FBXL2: variants seen among roughly 807,000 people sequenced by gnomAD.
The protein encoded by FBXL2 is F-box/LRR-repeat protein 2.
Under a neutral mutation model 69.2 loss-of-function variants are expected in FBXL2, and 38 were observed. That is an observed-to-expected ratio of 0.55 (90% CI 0.42 to 0.72). The LOEUF (loss-of-function observed/expected upper bound fraction) is 0.72, where lower values mean the gene tolerates loss of function less well. Among genes scored for constraint, FBXL2 ranks in the 30% least tolerant of loss-of-function variants. The pLI, the probability that FBXL2 is intolerant of heterozygous loss-of-function variation, is 0.00. For synonymous variants in FBXL2, 192 were observed against 201.3 expected (o/e 0.95, Z 0.39); for missense variants, 354 against 520.3 (o/e 0.68, Z 3.11).
intron 2 of FBXL2, among the ~76,000 whole-genome samples, chr3:33,329,185 A>T (rs1213951826): frequency 2.0e-5 from 3 of 152,244 alleles, no homozygotes; most frequent in African/African-American, 7.2e-5. Context: ...ATTAATCACC[A>T]GAGAAATAGA....
chr3:33,364,526 G>A, intron 4 of FBXL2, 99 bp from the exon 5 acceptor site: 1 of 1,070,562 alleles, frequency 9.3e-7, no homozygotes, highest in Non-Finnish European at 1.4e-6. Context: ...TGTTACACTT[G>A]GAAAAATATA....
chr3:33,336,242 G>A (rs569299845), intron 2 of FBXL2, among the ~76,000 whole-genome samples: 1 of 152,198 alleles, frequency 6.6e-6, no homozygotes, highest in Non-Finnish European at 1.5e-5. Context: ...TTAGTGTGAG[G>A]AAAAATACAT....
chr3:33,296,577 A>G (rs562611010), intron 1 of FBXL2, among the ~76,000 whole-genome samples: 81 of 152,224 alleles, frequency 5.3e-4, no homozygotes, highest in African/African-American at 1.8e-3. Context: ...GGGGGTCCAA[A>G]TTCATTGTTT....
chr3:33,374,034 C>T (rs766034471), intron 9 of FBXL2, 113 bp downstream of exon 9: 13 of 883,930 alleles, frequency 1.5e-5, no homozygotes, highest in Middle Eastern at 4.7e-4. Context: ...TGTTGCCACA[C>T]CCTGATTTCC....
chr3:33,355,023 G>A (rs571760380), intron 2 of FBXL2, among the ~76,000 whole-genome samples: 38 of 152,158 alleles, frequency 2.5e-4, no homozygotes, highest in Non-Finnish European at 2.5e-4. Flanking sequence ...TGACCTCCCC[G>A]GGCTCTGTTA....
the FBXL2 span, among the ~76,000 whole-genome samples, chr3:33,416,318 GA>G: frequency 0.02 from 3,080 of 152,268 alleles, 58 homozygotes; most frequent in Admixed American, 0.056. Context: ...AGGTTAGCTG[GA>G]AAACAGCTAT....
intron 2 of FBXL2, among the ~76,000 whole-genome samples, chr3:33,324,878 A>G (rs151080120): frequency 7.9e-5 from 12 of 152,304 alleles, no homozygotes; most frequent in African/African-American, 1.4e-4. Context: ...CATTGAATCT[A>G]TAAATTACTG....
intron 2 of FBXL2, among the ~76,000 whole-genome samples, chr3:33,307,986 A>G (rs1360715730): frequency 6.6e-6 from 1 of 152,074 alleles, no homozygotes; most frequent in Non-Finnish European, 1.5e-5. Context: ...TTGGCTCCTG[A>G]GTCCATTTAC....
At chr3:33,349,552 G>A (rs2040687238) in intron 2 of FBXL2, among the ~76,000 whole-genome samples, 1 of 152,112 alleles carries the variant, frequency 6.6e-6, no homozygotes, top group African/African-American at 2.4e-5. Context: ...AGAGATGTTG[G>A]CCTGTAGTTT....
At chr3:33,366,568 G>C (rs977906020) in intron 5 of FBXL2, among the ~76,000 whole-genome samples, 3 of 152,180 alleles carry the variant, frequency 2.0e-5, no homozygotes, top group Non-Finnish European at 4.4e-5. Flanking sequence ...GGAGGCTAAA[G>C]TGGGAAGATC....
At position 33,344,320 on chromosome 3, in the gene FBXL2, A is replaced by G. The variant is rs144335210; in HGVS notation, c.66-14647A>G. Among the ~76,000 whole-genome samples, 4 of 152,258 alleles carry G rather than the reference A, an allele frequency of 2.6e-5. No homozygotes were observed. In the East Asian group the frequency reaches 7.7e-4, roughly 29 times the overall value. On this transcript the variant is annotated intron_variant, in intron 2 of 14. Transcript: ENST00000484457. Reference sequence around the variant, plus strand: ...GAGGAAGCTTTGGATAATTTAACAAATTGATTTTCATATTTGTGTATAGTA... The same window carrying G: ...GAGGAAGCTTTGGATAATTTAACAAGTTGATTTTCATATTTGTGTATAGTA...
chr3:33,336,624 C>T (rs1287340186), intron 2 of FBXL2, among the ~76,000 whole-genome samples: 1 of 152,122 alleles, frequency 6.6e-6, no homozygotes, highest in East Asian at 1.9e-4. Context: ...TATTAAAAAA[C>T]AACTGAGCGC....
chr3:33,347,768 A>G (rs1407301721), intron 2 of FBXL2, among the ~76,000 whole-genome samples: 1 of 152,116 alleles, frequency 6.6e-6, no homozygotes. Flanking sequence ...TCTCTGATGA[A>G]CAGTGATGTT....
intron 2 of FBXL2, among the ~76,000 whole-genome samples, chr3:33,319,222 C>T (rs189077844): frequency 6.6e-6 from 1 of 151,986 alleles, no homozygotes; most frequent in Admixed American, 6.6e-5. Context: ...TGGGAGTGCC[C>T]ATGGCAAGTT....
intron 1 of FBXL2, among the ~76,000 whole-genome samples, chr3:33,279,364 G>A (rs914187314): frequency 1.3e-5 from 2 of 151,682 alleles, no homozygotes; most frequent in African/African-American, 4.8e-5. Flanking sequence ...TCCGCCTCCC[G>A]GGTACACGCC....
rs539870592 is a variant in FBXL2 at position 33,373,488 on chromosome 3, G to A, written c.456-90G>A. On this transcript the variant is annotated intron_variant, in intron 7 of 14. Coordinates refer to ENST00000484457, the MANE Select transcript of FBXL2 (RefSeq NM_012157.5). ...AGGTCCCAGGCATGGTCTCCCCTTC[G>A]GAATTTCTTGTGATGTACTAAACTC... 1.8e-5 allele frequency: 28 copies of A among 1,589,492 alleles called. No homozygotes were observed. The South Asian group carries it at 1.9e-4, about 11-fold the overall frequency.
At chr3:33,422,141 T>G in the FBXL2 span, among the ~76,000 whole-genome samples, 1 of 152,214 alleles carries the variant, frequency 6.6e-6, no homozygotes, top group Non-Finnish European at 1.5e-5. Flanking sequence ...TCTTATTACT[T>G]TAAATTAGCA....
chr3:33,393,473 A>T (rs772271929), intron 12 of FBXL2: 1 of 1,594,488 alleles, frequency 6.3e-7, no homozygotes, highest in South Asian at 1.2e-5. Flanking sequence ...AAAAAAAAAA[A>T]AAGAAAAGCA....
At chr3:33,402,656 T>C in intron 12 of FBXL2, 1 of 513,742 alleles carries the variant, frequency 1.9e-6, no homozygotes, top group African/African-American at 2.0e-5. Context: ...ATGATTGTCC[T>C]CTGCCACCAA....
Sources: gnomAD v4.1 joint callset for allele counts (sites outside exome capture counted in the v4.1 genomes callset) on GRCh38, gnomAD v4.1.1 for gene constraint, MANE v1.5 for transcripts, NCBI Gene and HGNC (gene_info 2026-07-23, HGNC 2026-07-21) for gene names.